The following AUH variants were observed in gnomAD, a reference collection of about 807,000 sequenced individuals.
The protein encoded by AUH is AU RNA binding methylglutaconyl-CoA hydratase.
A neutral mutation model predicts 42.3 loss-of-function variants in AUH; 29 were observed. The observed-to-expected ratio is 0.69, with a 90% CI of 0.51 to 0.93. The LOEUF is 0.93. AUH is among the 40% of genes least tolerant of loss of function. The pLI, the probability that AUH is intolerant of heterozygous loss-of-function variation, is 0.00. For missense variants in AUH, 452 were observed against 438.1 expected (o/e 1.03, Z -0.28); for synonymous variants, 174 against 166.4 (o/e 1.05, Z -0.35).
At chr9:91,240,056 C>A (rs987583997) in intron 6 of AUH, among the ~76,000 whole-genome samples, 3 of 152,182 alleles carry the variant, frequency 2.0e-5, no homozygotes, top group African/African-American at 7.2e-5. Flanking sequence ...CATACACACC[C>A]AAGTCTTAAT....
chr9:91,312,419 G>A (rs1026372585), intron 4 of AUH, among the ~76,000 whole-genome samples: 6 of 152,150 alleles, frequency 3.9e-5, no homozygotes, highest in African/African-American at 7.2e-5. Context: ...TGGTTCAACA[G>A]CCAGCTCACA....
intron 6 of AUH, among the ~76,000 whole-genome samples, chr9:91,267,167 ATAAC>A (rs1830019103): frequency 6.6e-6 from 1 of 152,236 alleles, no homozygotes. Context: ...AAGCCATGGG[ATAAC>A]TAACATGTGT....
At chr9:91,318,284 CTG>C (rs1829311180) in intron 4 of AUH, among the ~76,000 whole-genome samples, 1 of 152,212 alleles carries the variant, frequency 6.6e-6, no homozygotes, top group South Asian at 2.1e-4. Flanking sequence ...GATTATATGA[CTG>C]TAACCAAGCA....
chr9:91,222,001 G>C (rs1827161401), intron 6 of AUH, among the ~76,000 whole-genome samples: 1 of 152,202 alleles, frequency 6.6e-6, no homozygotes, highest in Admixed American at 6.5e-5. Flanking sequence ...CCAAGAGGCA[G>C]AGGAGCAGCA....
At chr9:91,338,887 G>A (rs1276775993) in intron 3 of AUH, among the ~76,000 whole-genome samples, 3 of 152,194 alleles carry the variant, frequency 2.0e-5, no homozygotes, top group Non-Finnish European at 2.9e-5. Context: ...GGAGGGAAGA[G>A]ATTAGAGGGA....
intron 6 of AUH, among the ~76,000 whole-genome samples, chr9:91,279,542 G>A (rs1825806843): frequency 6.6e-6 from 1 of 152,158 alleles, no homozygotes; most frequent in Admixed American, 6.5e-5. Context: ...CATGGCAGAA[G>A]GCAAAGGGGG....
chr9:91,221,389 A>C (rs1368636544), intron 6 of AUH, among the ~76,000 whole-genome samples: 2 of 152,226 alleles, frequency 1.3e-5, no homozygotes, highest in African/African-American at 2.4e-5. Flanking sequence ...TTTCAGCTTA[A>C]ATAAATCTTA....
intron 6 of AUH, among the ~76,000 whole-genome samples, chr9:91,276,840 T>C (rs1287113768): frequency 6.6e-6 from 1 of 152,278 alleles, no homozygotes; most frequent in Admixed American, 6.5e-5. Flanking sequence ...TTATAAAATA[T>C]GTTTGCCATG....
chr9:91,285,045 G>C (rs1164644924), intron 6 of AUH, among the ~76,000 whole-genome samples: 3 of 152,132 alleles, frequency 2.0e-5, no homozygotes, highest in Non-Finnish European at 4.4e-5. Flanking sequence ...CAATAGCAAA[G>C]ACTTGGAACC....
intron 3 of AUH, among the ~76,000 whole-genome samples, chr9:91,340,068 G>A (rs1179895026): frequency 6.6e-6 from 1 of 152,118 alleles, no homozygotes; most frequent in African/African-American, 2.4e-5. Context: ...AAAATTACTA[G>A]AGAAAGAAAA....
intron 6 of AUH, among the ~76,000 whole-genome samples, chr9:91,288,708 G>C (rs933204477): frequency 3.3e-5 from 5 of 152,054 alleles, no homozygotes; most frequent in Admixed American, 6.5e-5. Flanking sequence ...GTTCGATTTT[G>C]TTTTAATGTT....
intron 3 of AUH, among the ~76,000 whole-genome samples, chr9:91,348,910 A>G (rs1831738411): frequency 6.6e-6 from 1 of 152,206 alleles, no homozygotes; most frequent in African/African-American, 2.4e-5. Context: ...TAAATAAAAC[A>G]TTTTTTATTC....
intron 6 of AUH, among the ~76,000 whole-genome samples, chr9:91,274,605 T>C (rs1825403349): frequency 6.6e-6 from 1 of 152,200 alleles, no homozygotes; most frequent in Non-Finnish European, 1.5e-5. Context: ...TGTATAAAAA[T>C]TGAGAAAGTA....
chr9:91,226,555 A>G (rs1373423460), intron 6 of AUH, among the ~76,000 whole-genome samples: 86 of 144,434 alleles, frequency 6.0e-4, no homozygotes, highest in African/African-American at 2.1e-3. Flanking sequence ...CTTTAGTTTA[A>G]TTAGATCCCA....
intron 6 of AUH, among the ~76,000 whole-genome samples, chr9:91,241,744 A>G (rs1200466929): frequency 6.6e-6 from 1 of 152,178 alleles, no homozygotes; most frequent in Non-Finnish European, 1.5e-5. Flanking sequence ...ATATCTACAG[A>G]TTCCACCCCT....
At chr9:91,215,645 G>A (rs1281096869) in intron 9 of AUH, among the ~76,000 whole-genome samples, 1 of 152,148 alleles carries the variant, frequency 6.6e-6, no homozygotes, top group Non-Finnish European at 1.5e-5. Flanking sequence ...TGAACTTTCA[G>A]TGGTCAGGAG....
At chr9:91,240,089 A>G (rs1305699223) in intron 6 of AUH, among the ~76,000 whole-genome samples, 4 of 152,144 alleles carry the variant, frequency 2.6e-5, no homozygotes, top group Admixed American at 1.3e-4. Flanking sequence ...AATTACGCTT[A>G]TTTTTCAATG....
intron 6 of AUH, among the ~76,000 whole-genome samples, chr9:91,271,373 G>A (rs1251703460): frequency 1.3e-5 from 2 of 152,214 alleles, no homozygotes; most frequent in Non-Finnish European, 2.9e-5. Flanking sequence ...AAGCTTGACA[G>A]CTACCAGTTA....
chr9:91,353,238 T>G (rs563159687), intron 3 of AUH, among the ~76,000 whole-genome samples: 1 of 152,076 alleles, frequency 6.6e-6, no homozygotes, highest in Admixed American at 6.5e-5. Flanking sequence ...AGGCACCTAC[T>G]ACCACGCCCA....
Sources: allele counts gnomAD v4.1 joint callset (sites outside exome capture counted in the v4.1 genomes callset), GRCh38; gene constraint gnomAD v4.1.1; transcripts MANE v1.5; gene names NCBI Gene and HGNC (gene_info 2026-07-23, HGNC 2026-07-21).